FRMD6: variants seen among roughly 807,000 people sequenced by gnomAD.
FRMD6 encodes FERM domain containing 6.
FRMD6 carries 37 observed loss-of-function variants against 73.2 expected under a neutral mutation model. The ratio of observed to expected loss-of-function variants is 0.51; its 90% CI spans 0.39 to 0.66. FRMD6 has a LOEUF of 0.66. Ranked by LOEUF, FRMD6 falls within the 30% of genes least tolerant of loss-of-function variation. The probability of loss-of-function intolerance (pLI) is 0.00; values close to 1 mark genes in which losing one functional copy is unlikely to be tolerated. For missense variants in FRMD6, 714 were observed against 780.5 expected, an observed-to-expected ratio of 0.91 and a Z score of 1.02; for synonymous variants, 273 against 282.2, an observed-to-expected ratio of 0.97 and a Z score of 0.33.
At chr14:51,682,541 G>T (rs1332835209) in intron 1 of FRMD6, among the ~76,000 whole-genome samples, 1 of 152,132 alleles carries the variant, frequency 6.6e-6, no homozygotes, top group Admixed American at 6.5e-5. Context: ...AAGATAACTT[G>T]CTGGCTCACT....
intron 2 of FRMD6, among the ~76,000 whole-genome samples, chr14:51,614,631 A>ACC (rs1194751408): frequency 2.6e-5 from 4 of 152,340 alleles, no homozygotes; most frequent in African/African-American, 9.6e-5. Flanking sequence ...CTGAGGCACT[A>ACC]CCATCTTCAA....
chr14:51,549,591 C>CTTTTTTTTT lies in FRMD6; in HGVS notation c.-209-20754_-209-20753insTTTTTTTTT, dbSNP rs1168905376. Among the ~76,000 whole-genome samples the CTTTTTTTTT allele has an allele frequency of 1.9e-4, 18 of 93,604 alleles. 1 individual carries two copies. Among genetic ancestry groups the CTTTTTTTTT allele is most frequent in the East Asian group, 2.9e-4 (1 of 3,398 alleles). The allele number at this position is 93,604 out of a possible 152,430, so 61.4% of individuals were successfully genotyped here. ...CAGCTGGAGTATAAACTTTTTTTTTCTTTCTTTTTTTTTTTTTTTTTTTTG... is the reference window on the plus strand; with the variant it reads ...CAGCTGGAGTATAAACTTTTTTTTTCTTTTTTTTTTTTCTTTTTTTTTTTTTTTTTTTTG... On this transcript the variant is annotated intron_variant, in intron 1 of 14. Coordinates refer to the FRMD6 transcript ENST00000356218.
chr14:51,654,801 T>A (rs1383446156), intron 1 of FRMD6, among the ~76,000 whole-genome samples: 1 of 152,142 alleles, frequency 6.6e-6, no homozygotes. Flanking sequence ...GAATGAGATT[T>A]CTTGGGCTTT....
At chr14:51,478,859 T>C in the FRMD6 span, among the ~76,000 whole-genome samples, 1 of 152,212 alleles carries the variant, frequency 6.6e-6, no homozygotes, top group Non-Finnish European at 1.5e-5. Context: ...TTGACAGTTA[T>C]ACTGTAATAT....
intron 1 of FRMD6, among the ~76,000 whole-genome samples, chr14:51,499,735 T>C (rs1454337885): frequency 1.3e-5 from 2 of 152,230 alleles, no homozygotes; most frequent in Non-Finnish European, 2.9e-5. Flanking sequence ...GCTGCATATA[T>C]TCTTTTCAGG....
At chr14:51,512,499 T>TCCATCAAGGAAGC (rs1884370134) in intron 1 of FRMD6, among the ~76,000 whole-genome samples, 2 of 152,220 alleles carry the variant, frequency 1.3e-5, no homozygotes, top group Non-Finnish European at 2.9e-5. Context: ...CAACGTCTTG[T>TCCATCAAGGAAGC]CATCCATCAA....
At chr14:51,715,267 G>C (rs895477449) in intron 9 of FRMD6, 58 bp from the exon 10 acceptor site, 152 of 1,320,200 alleles carry the variant, frequency 1.2e-4, no homozygotes, top group Non-Finnish European at 1.5e-4. Context: ...AAACAAAGGG[G>C]ACTTTGGCAA....
intron 1 of FRMD6, among the ~76,000 whole-genome samples, chr14:51,559,065 T>A (rs566664290): frequency 4.6e-5 from 7 of 152,210 alleles, no homozygotes; most frequent in Admixed American, 6.5e-5. Context: ...ACTGAAACAT[T>A]TTGTTGCCAC....
intron 1 of FRMD6, among the ~76,000 whole-genome samples, chr14:51,525,035 G>C (rs1885155310): frequency 6.8e-6 from 1 of 147,914 alleles, no homozygotes; most frequent in Non-Finnish European, 1.5e-5. Flanking sequence ...GGTGGATGGA[G>C]AGAAAGAGAG....
chr14:51,632,157 T>C (rs1413373148), intron 2 of FRMD6, among the ~76,000 whole-genome samples: 3 of 152,182 alleles, frequency 2.0e-5, no homozygotes, highest in Non-Finnish European at 2.9e-5. Context: ...TCTGCCACCC[T>C]GTGAAGAAGG....
intron 1 of FRMD6, chr14:51,565,135 T>G (rs779462908): frequency 6.6e-6 from 1 of 152,240 alleles, no homozygotes; most frequent in African/African-American, 2.4e-5. Flanking sequence ...CTCCTCCCTT[T>G]GTTCTTCTGT....
the FRMD6 span, among the ~76,000 whole-genome samples, chr14:51,457,203 T>A: frequency 0.19 from 29,143 of 152,206 alleles, 3,129 homozygotes; most frequent in Middle Eastern, 0.27. Context: ...AATTTGATTA[T>A]TACACAATGT....
intron 1 of FRMD6, among the ~76,000 whole-genome samples, chr14:51,527,081 TTCAACCTCTCTGTC>T: frequency 6.6e-6 from 1 of 152,386 alleles, no homozygotes; most frequent in South Asian, 2.1e-4. Context: ...ATTACTGTGC[TTCAACCTCTCTGTC>T]TCTAAAGTGG....
chr14:51,631,714 A>C (rs899476587), intron 2 of FRMD6, among the ~76,000 whole-genome samples: 1 of 152,234 alleles, frequency 6.6e-6, no homozygotes, highest in African/African-American at 2.4e-5. Context: ...TAGGGCTTTA[A>C]ATGCAATCCT....
In FRMD6 at chr14:51,565,887, G is replaced by A. The variant is rs559345631; in HGVS notation, c.-209-4461G>A. On this transcript the variant is annotated intron_variant, in intron 1 of 14. Coordinates refer to the FRMD6 transcript ENST00000356218. The stretch of plus-strand genomic sequence containing the variant: ...TATTAAAAAAGTCAAGACAGTGGCC[G>A]GGCACGGTGGCTCACGCCTGTAATC... 3.1e-4 allele frequency among the ~76,000 whole-genome samples: 47 copies of A among 152,284 alleles called. 1 individual carries two copies. The highest frequency in any genetic ancestry group is 1.0e-3 in the African/African-American group (43 of 41,550).
the FRMD6 span, among the ~76,000 whole-genome samples, chr14:51,478,703 AAG>A: frequency 6.6e-6 from 1 of 152,218 alleles, no homozygotes; most frequent in Non-Finnish European, 1.5e-5. Flanking sequence ...TATTGCAGGA[AAG>A]AGAATATTTT....
At chr14:51,613,278 G>A (rs1189846726) in intron 2 of FRMD6, among the ~76,000 whole-genome samples, 1 of 152,210 alleles carries the variant, frequency 6.6e-6, no homozygotes, top group Admixed American at 6.5e-5. Flanking sequence ...ACAAACAGGT[G>A]TATTCAAGAG....
rs1897392890 is a variant in FRMD6 at position 51,719,062 on chromosome 14, A to G, written c.1025-993A>G. On this transcript the variant is annotated intron_variant, in intron 10 of 13. Transcript: ENST00000344768. ...CCCAAATGCACTCTCCATTTTTAAC[A>G]TTGTTTTATTGTATTATTTCTCACC... Among the ~76,000 whole-genome samples, 4 of 152,318 alleles carry G rather than the reference A, an allele frequency of 2.6e-5. No homozygotes were observed. The South Asian group carries it at 6.2e-4, about 24-fold the overall frequency.
At chr14:51,622,126 G>A (rs1890948943) in intron 2 of FRMD6, among the ~76,000 whole-genome samples, 1 of 152,200 alleles carries the variant, frequency 6.6e-6, no homozygotes, top group African/African-American at 2.4e-5. Context: ...ACAGATCCCT[G>A]TGAGTGCTGG....
Sources: gnomAD v4.1 joint callset for allele counts (sites outside exome capture counted in the v4.1 genomes callset) on GRCh38, gnomAD v4.1.1 for gene constraint, MANE v1.5 for transcripts, NCBI Gene and HGNC (gene_info 2026-07-23, HGNC 2026-07-21) for gene names.